Variants in STS observed in about 807,000 individuals in gnomAD.
STS encodes the protein steroid sulfatase, also known as steryl-sulfatase.
Under a neutral mutation model 26.8 loss-of-function variants are expected in STS, and 7 were observed. That is an observed-to-expected ratio of 0.26 (90% CI 0.15 to 0.49). The LOEUF is 0.49. Among genes scored for constraint, STS ranks in the 20% least tolerant of loss-of-function variants. The probability of loss-of-function intolerance (pLI) is 0.98; values close to 1 mark genes in which losing one functional copy is unlikely to be tolerated. For missense variants in STS, 434 were observed against 465.6 expected (o/e 0.93, Z 0.63); for synonymous variants, 199 against 189.4 (o/e 1.05, Z -0.42).
intron 10 of STS, among the ~76,000 whole-genome samples, chrX:7,341,594 A>C (rs1928284745): frequency 8.9e-6 from 1 of 111,835 alleles, no homozygotes; most frequent in African/African-American, 3.3e-5. Flanking sequence ...AGTAATCTCC[A>C]GTGCCTCACA....
chrX:7,329,433 A>T (rs1401243195), intron 9 of STS, among the ~76,000 whole-genome samples: 1 of 112,285 alleles, frequency 8.9e-6, no homozygotes, highest in Non-Finnish European at 1.9e-5. Context: ...AAATGTTGTT[A>T]TAATGGAAAA....
chrX:7,318,256 C>G (rs769834687), intron 8 of STS, among the ~76,000 whole-genome samples: 1 of 111,420 alleles, frequency 9.0e-6, no homozygotes, highest in Non-Finnish European at 1.9e-5. Context: ...AAACTCTGCT[C>G]GATGATAATG....
intron 1 of STS, among the ~76,000 whole-genome samples, chrX:7,161,043 C>T (rs1254777788): frequency 9.0e-6 from 1 of 111,634 alleles, no homozygotes; most frequent in Non-Finnish European, 1.9e-5. Context: ...ACAACCTCCA[C>T]CTCCTGGGTT....
chrX:7,325,316 T>C lies in STS; in HGVS notation c.1082-23T>C, dbSNP rs748580460. On this transcript the variant is annotated intron_variant, in intron 8 of 10. Coordinates refer to ENST00000674429, the MANE Select transcript of STS (RefSeq NM_001320752.2). ...AGGATTGAAATCTCCCTGTTGCCTC[T>C]TACCTCTTTTTTGATCTTTTAGGAG... is the stretch of plus-strand genomic sequence containing the variant. 9.1e-6 allele frequency: 11 copies of C among 1,208,265 alleles called. No individual in the cohort carries two copies. The East Asian group carries it at 3.0e-4, about 33-fold the overall frequency.
At chrX:7,307,141 C>A (rs1195944740) in intron 8 of STS, among the ~76,000 whole-genome samples, 1 of 111,132 alleles carries the variant, frequency 9.0e-6, no homozygotes, top group Non-Finnish European at 1.9e-5. Context: ...CCTCCCAGCC[C>A]CTTCCTTTAG....
intron 2 of STS, among the ~76,000 whole-genome samples, chrX:7,198,072 A>G (rs755635727): frequency 2.4e-4 from 27 of 111,860 alleles, no homozygotes; most frequent in African/African-American, 7.5e-4. Context: ...AACCCCCCCA[A>G]TGGATTATCT....
At chrX:7,178,787 C>G (rs780930489) in intron 1 of STS, among the ~76,000 whole-genome samples, 1 of 110,337 alleles carries the variant, frequency 9.1e-6, no homozygotes, top group African/African-American at 3.3e-5. Flanking sequence ...TCTCTCTGTC[C>G]TTCTCTCTCT....
chrX:7,290,823 G>A (rs1001365074), intron 7 of STS, among the ~76,000 whole-genome samples: 2 of 111,777 alleles, frequency 1.8e-5, no homozygotes, highest in Admixed American at 9.5e-5. Context: ...CTTTCTTGCT[G>A]GGGATGTTTT....
chrX:7,200,846 C>T (rs768307818), intron 2 of STS, among the ~76,000 whole-genome samples: 1 of 111,937 alleles, frequency 8.9e-6, no homozygotes, highest in Non-Finnish European at 1.9e-5. Context: ...CTGCAAGCCA[C>T]ACATGACCCT....
At chrX:7,328,485 A>G (rs1324462741) in intron 9 of STS, among the ~76,000 whole-genome samples, 1 of 109,719 alleles carries the variant, frequency 9.1e-6, no homozygotes, top group African/African-American at 3.3e-5. Context: ...AGTAGAACCA[A>G]CTCTCAATAT....
intron 10 of STS, among the ~76,000 whole-genome samples, chrX:7,348,874 A>G (rs1028528631): frequency 1.8e-5 from 2 of 112,068 alleles, no homozygotes; most frequent in African/African-American, 3.2e-5. Flanking sequence ...CATCTCCTTC[A>G]TCGCCAAAAG....
intron 8 of STS, among the ~76,000 whole-genome samples, chrX:7,309,720 TA>T (rs1466223838): frequency 9.0e-6 from 1 of 111,622 alleles, no homozygotes; most frequent in Non-Finnish European, 1.9e-5. Context: ...AGTCTACATT[TA>T]AAAAACAATT....
chrX:7,149,940 TC>T (rs1432652030), intron 1 of STS, among the ~76,000 whole-genome samples: 1 of 112,202 alleles, frequency 8.9e-6, no homozygotes, highest in African/African-American at 3.2e-5. Flanking sequence ...AAATCCTGTT[TC>T]CAAATAAGGT....
chrX:7,200,219 T>C (rs1327127885), intron 2 of STS, among the ~76,000 whole-genome samples: 1 of 111,473 alleles, frequency 9.0e-6, no homozygotes, highest in Non-Finnish European at 1.9e-5. Context: ...TTTTTACTGC[T>C]AACTCCCCAA....
intron 2 of STS, among the ~76,000 whole-genome samples, chrX:7,219,163 G>T (rs1428142322): frequency 8.9e-6 from 1 of 112,035 alleles, no homozygotes; most frequent in East Asian, 2.8e-4. Flanking sequence ...ACTGAAGACA[G>T]GTATAAGAGA....
intron 9 of STS, among the ~76,000 whole-genome samples, chrX:7,330,801 C>G (rs1927710027): frequency 8.9e-6 from 1 of 112,400 alleles, no homozygotes. Flanking sequence ...TTCTGTTCAA[C>G]TATGGCAGAG....
chrX:7,173,420 T>C (rs1340682612), intron 1 of STS, among the ~76,000 whole-genome samples: 1 of 111,928 alleles, frequency 8.9e-6, no homozygotes, highest in Non-Finnish European at 1.9e-5. Flanking sequence ...TGTATCTTTA[T>C]AATAGAGTGA....
chrX:7,324,990 G>A (rs1318014509), intron 8 of STS, among the ~76,000 whole-genome samples: 5 of 111,042 alleles, frequency 4.5e-5, no homozygotes, highest in Non-Finnish European at 9.4e-5. Flanking sequence ...TATTTTGCCT[G>A]CCACAGCTGG....
At chrX:7,188,640 A>G (rs1252181056) in intron 1 of STS, among the ~76,000 whole-genome samples, 1 of 111,934 alleles carries the variant, frequency 8.9e-6, no homozygotes, top group African/African-American at 3.2e-5. Flanking sequence ...CCCTTCAGAT[A>G]TGTTCTTTGT....
Sources: allele counts gnomAD v4.1 joint callset (sites outside exome capture counted in the v4.1 genomes callset), GRCh38; gene constraint gnomAD v4.1.1; transcripts MANE v1.5; gene names NCBI Gene and HGNC (gene_info 2026-07-23, HGNC 2026-07-21).